Variants in KAZN observed in about 807,000 individuals in gnomAD.
The protein encoded by KAZN is kazrin, periplakin interacting protein, also known as kazrin.
KAZN carries 40 observed loss-of-function variants against 87.4 expected under a neutral mutation model. The ratio of observed to expected loss-of-function variants is 0.46; its 90% CI spans 0.36 to 0.60. The LOEUF (loss-of-function observed/expected upper bound fraction) is 0.60, where lower values mean the gene tolerates loss of function less well. Among genes scored for constraint, KAZN ranks in the 20% least tolerant of loss-of-function variants. The pLI, the probability that KAZN is intolerant of heterozygous loss-of-function variation, is 0.00. For missense variants in KAZN, 898 were observed against 1,073.9 expected, an observed-to-expected ratio of 0.84 and a Z score of 2.29; for synonymous variants, 466 against 458.3, an observed-to-expected ratio of 1.02 and a Z score of -0.22.
chr1:14,290,265 A>G (rs1459100734), intron 2 of KAZN, among the ~76,000 whole-genome samples: 1 of 152,218 alleles, frequency 6.6e-6, no homozygotes, highest in East Asian at 1.9e-4. Context: ...AATTTCCTGC[A>G]GAGTGTTTTC....
chr1:14,782,554 C>CAAAAAAAAAAA (rs71572122), intron 1 of KAZN, among the ~76,000 whole-genome samples: 443 of 66,136 alleles, frequency 6.7e-3, no homozygotes, highest in Non-Finnish European at 8.2e-3. Context: ...CCTCAAAGAG[C>CAAAAAAAAAAA]AAAAAAAAAA....
At chr1:14,662,188 G>A (rs1639221923) in intron 1 of KAZN, among the ~76,000 whole-genome samples, 1 of 152,136 alleles carries the variant, frequency 6.6e-6, no homozygotes, top group South Asian at 2.1e-4. Context: ...TCCCCCAGGG[G>A]CAGGCTTTAG....
At chr1:14,480,440 C>G (rs1669007123) in intron 2 of KAZN, among the ~76,000 whole-genome samples, 2 of 151,676 alleles carry the variant, frequency 1.3e-5, no homozygotes, top group African/African-American at 4.8e-5. Flanking sequence ...GTCATGATGA[C>G]AATAAGATGT....
At chr1:15,018,489 C>T (rs1471953546) in intron 2 of KAZN, among the ~76,000 whole-genome samples, 5 of 150,892 alleles carry the variant, frequency 3.3e-5, no homozygotes, top group African/African-American at 7.3e-5. Flanking sequence ...TTTGCTGCCA[C>T]GCCTCTGTCT....
chr1:14,982,569 A>G (rs994840245), intron 2 of KAZN, among the ~76,000 whole-genome samples: 3 of 151,982 alleles, frequency 2.0e-5, no homozygotes, highest in African/African-American at 7.2e-5. Flanking sequence ...AGCTGGGACT[A>G]CAGGCATGCG....
intron 2 of KAZN, among the ~76,000 whole-genome samples, chr1:14,491,475 C>T (rs980792082): frequency 2.0e-5 from 3 of 152,078 alleles, no homozygotes; most frequent in African/African-American, 7.2e-5. Flanking sequence ...CCGACAGGTC[C>T]CGGTGTGTGA....
chr1:13,996,717 C>T (rs1417902516), intron 1 of KAZN, among the ~76,000 whole-genome samples: 1 of 152,222 alleles, frequency 6.6e-6, no homozygotes, highest in Non-Finnish European at 1.5e-5. Flanking sequence ...GGCCTAAGCC[C>T]CTAGAGGGAG....
At chr1:15,069,973 A>ACTT (rs1639433573) in intron 8 of KAZN, among the ~76,000 whole-genome samples, 1 of 152,236 alleles carries the variant, frequency 6.6e-6, no homozygotes, top group Non-Finnish European at 1.5e-5. Context: ...CATGCTATGC[A>ACTT]CTTTACACAT....
intron 3 of KAZN, among the ~76,000 whole-genome samples, chr1:15,035,458 G>T (rs60772118): frequency 0.045 from 6,871 of 152,250 alleles, 215 homozygotes; most frequent in Middle Eastern, 0.1. Flanking sequence ...GTGAATAGGA[G>T]TTTATGGGCC....
intron 2 of KAZN, among the ~76,000 whole-genome samples, chr1:14,471,715 C>T (rs971512337): frequency 6.6e-6 from 1 of 152,208 alleles, no homozygotes; most frequent in Non-Finnish European, 1.5e-5. Context: ...TTCCCTCCCA[C>T]TTAGTCTGTA....
intron 2 of KAZN, among the ~76,000 whole-genome samples, chr1:14,549,233 G>C (rs1673353059): frequency 6.6e-6 from 1 of 152,182 alleles, no homozygotes; most frequent in African/African-American, 2.4e-5. Flanking sequence ...AACACCAGCT[G>C]CCTAGCCATT....
In KAZN at chr1:14,574,225, C is replaced by T. The variant is rs531828314; in HGVS notation, c.250-24758C>T. Among the ~76,000 whole-genome samples, 23 of 152,320 alleles carry T rather than the reference C, an allele frequency of 1.5e-4. No individual in the cohort carries two copies. In the South Asian group the frequency reaches 4.6e-3, roughly 30 times the overall value. On this transcript the variant is annotated intron_variant, in intron 2 of 16. Transcript: ENST00000636203. ...TCATGTATAGCTTGGGGAAGTTGAA[C>T]TTCATGACGTCTCCCTGCACTTCAT...
At chr1:13,981,996 TC>T (rs1197622455) in intron 1 of KAZN, among the ~76,000 whole-genome samples, 1 of 152,188 alleles carries the variant, frequency 6.6e-6, no homozygotes, top group African/African-American at 2.4e-5. Context: ...TGGGGGGCTG[TC>T]CTCTTGGTTT....
chr1:14,581,435 C>A (rs1675540133), intron 2 of KAZN, among the ~76,000 whole-genome samples: 1 of 152,146 alleles, frequency 6.6e-6, no homozygotes, highest in African/African-American at 2.4e-5. Flanking sequence ...CCATCACCAC[C>A]TTTTAAACCA....
At chr1:14,328,379 G>A (rs1007556986) in intron 2 of KAZN, among the ~76,000 whole-genome samples, 5 of 151,820 alleles carry the variant, frequency 3.3e-5, no homozygotes, top group South Asian at 2.1e-4. Context: ...GAAGTCTCTC[G>A]CATATGTGTG....
intron 2 of KAZN, among the ~76,000 whole-genome samples, chr1:14,480,528 T>C (rs1669011820): frequency 6.7e-6 from 1 of 148,628 alleles, no homozygotes; most frequent in African/African-American, 2.5e-5. Flanking sequence ...TTCTAGTGTA[T>C]ATATAGCATA....
At chr1:14,801,246 G>A (rs1192743258) in intron 1 of KAZN, among the ~76,000 whole-genome samples, 2 of 152,004 alleles carry the variant, frequency 1.3e-5, no homozygotes, top group African/African-American at 2.4e-5. Flanking sequence ...CTCCGTCACC[G>A]CTCAGCAAGC....
intron 1 of KAZN, among the ~76,000 whole-genome samples, chr1:14,653,803 G>C (rs978966775): frequency 6.6e-6 from 1 of 152,102 alleles, no homozygotes; most frequent in African/African-American, 2.4e-5. Context: ...AGCACCTAAG[G>C]GTTCTCTAAA....
intron 8 of KAZN, among the ~76,000 whole-genome samples, chr1:15,088,093 G>A (rs530136199): frequency 1.3e-4 from 20 of 152,256 alleles, no homozygotes; most frequent in African/African-American, 3.6e-4. Flanking sequence ...TTTGCACCGG[G>A]CCAAAAAACT....
Sources: gnomAD v4.1 joint callset for allele counts (sites outside exome capture counted in the v4.1 genomes callset) on GRCh38, gnomAD v4.1.1 for gene constraint, MANE v1.5 for transcripts, NCBI Gene and HGNC (gene_info 2026-07-23, HGNC 2026-07-21) for gene names.